ZNF451: variants seen among roughly 807,000 people sequenced by gnomAD.
The protein encoded by ZNF451 is E3 SUMO-protein ligase ZNF451.
In ZNF451, 80 loss-of-function variants were observed where a neutral mutation model predicts 107.1. The ratio of observed to expected loss-of-function variants is 0.75; its 90% confidence interval spans 0.62 to 0.90. ZNF451 has a LOEUF of 0.90. Ranked by LOEUF, ZNF451 falls within the 40% of genes least tolerant of loss-of-function variation. The pLI is 0.00. For missense variants in ZNF451, 1,107 were observed against 1,236.2 expected (o/e 0.90, Z 1.57); for synonymous variants, 362 against 406.5 (o/e 0.89, Z 1.32).
intron 3 of ZNF451, chr6:57,105,876 T>A (rs1829829086): frequency 1.0e-6 from 1 of 984,296 alleles, no homozygotes; most frequent in Middle Eastern, 5.2e-4. Flanking sequence ...CTTATCAGTA[T>A]AATTACATTT....
chr6:57,158,858 A>C, intron 13 of ZNF451: 1 of 985,464 alleles, frequency 1.0e-6, no homozygotes, highest in Non-Finnish European at 1.2e-6. Context: ...TGAGTGGGTT[A>C]GAAGCAGTAA....
intron 3 of ZNF451, chr6:57,109,617 A>G (rs1830023568): frequency 3.0e-6 from 3 of 985,322 alleles, no homozygotes; most frequent in Non-Finnish European, 3.6e-6. Flanking sequence ...GTAAATGTTC[A>G]TTTCATGCCA....
Position 57,147,960 on chromosome 6 carries a change from C to T in ZNF451, c.1875C>T (p.Cys625=), listed in dbSNP as rs1241357462. 1.9e-6 allele frequency: 3 copies of T among 1,613,956 alleles called. No homozygotes were observed. The highest frequency in any genetic ancestry group is 2.5e-6 in the Non-Finnish European group (3 of 1,179,982). The part of the protein sequence containing the change: ...FDSQEYVKQH[C]MSLASHKFHR... ...CCCAGGAATATGTAAAACAGCACTG[C>T]ATGTCTTTGGCAAGCCACAAGTTTC... is the stretch of plus-strand genomic sequence containing the variant. The change falls in exon 10 of 15, where the codon TGC becomes TGT. Residue 625 remains cysteine (C), a synonymous_variant. Transcript: ENST00000370706.
intron 14 of ZNF451, among the ~76,000 whole-genome samples, chr6:57,161,915 T>C (rs995994667): frequency 2.0e-5 from 3 of 152,242 alleles, no homozygotes; most frequent in Non-Finnish European, 4.4e-5. Flanking sequence ...TTTCCTTCCA[T>C]AGGTTAAAGA....
Position 57,124,862 on chromosome 6 carries a change from ATG to A in ZNF451, c.312+6_312+7del, listed in dbSNP as rs1298180611. 1 of 1,559,626 alleles carries A rather than the reference ATG, an allele frequency of 6.4e-7. No homozygotes were observed. The highest frequency in any genetic ancestry group is 1.4e-5 in the African/African-American group (1 of 72,978). On this transcript the variant is annotated splice_donor_5th_base_variant and intron_variant, in intron 4 of 14. Transcript: ENST00000370706. ...AAGAGAAGAATAGAGCATTCAGAGT[ATG>A]TGCTATTTTAATTGGTATTTTATAT...
chr6:57,096,176 GTTTTTT>G (rs749589304), intron 2 of ZNF451, among the ~76,000 whole-genome samples: 2 of 58,462 alleles, frequency 3.4e-5, no homozygotes, highest in African/African-American at 7.1e-5. Flanking sequence ...CTTTCTTTCT[GTTTTTT>G]TTTTTTTTTT....
At chr6:57,168,108 A>T (rs1190226947) in intron 14 of ZNF451, among the ~76,000 whole-genome samples, 1 of 152,156 alleles carries the variant, frequency 6.6e-6, no homozygotes, top group African/African-American at 2.4e-5. Context: ...TAAGTGATAC[A>T]GATTTTTTTT....
At chr6:57,153,314 A>C (rs917796815) in intron 12 of ZNF451, among the ~76,000 whole-genome samples, 3 of 151,680 alleles carry the variant, frequency 2.0e-5, no homozygotes, top group African/African-American at 7.3e-5. Flanking sequence ...TTTTCTTTTC[A>C]TGGCACATTA....
Position 57,095,926 on chromosome 6 carries a change from C to T in ZNF451, c.106-3135C>T, listed in dbSNP as rs974383567. Among the ~76,000 whole-genome samples the T allele has an allele frequency of 4.0e-5, 6 of 151,826 alleles. No homozygotes were observed. In the South Asian group the frequency reaches 8.3e-4, roughly 21 times the overall value. ...GCAACTTCTGCCTCCTGGGCTAAAG[C>T]GATTCTTGTTCTTCGGCCTCCTGAG... is the stretch of plus-strand genomic sequence containing the variant. On this transcript the variant is annotated intron_variant, in intron 2 of 14. Transcript: ENST00000370706.
intron 8 of ZNF451, 134 bp downstream of exon 8, chr6:57,141,589 A>G (rs1287009527): frequency 3.5e-6 from 3 of 857,992 alleles, no homozygotes; most frequent in African/African-American, 3.4e-5. Context: ...GATTATCTCA[A>G]TTCCTACTTA....
At chr6:57,132,350 A>G (rs1831219044) in intron 5 of ZNF451, among the ~76,000 whole-genome samples, 1 of 152,192 alleles carries the variant, frequency 6.6e-6, no homozygotes, top group South Asian at 2.1e-4. Flanking sequence ...TATAATTTTC[A>G]TAGAGCTCAG....
At chr6:57,134,063 C>G (rs1020252684) in intron 6 of ZNF451, 2 of 152,220 alleles carry the variant, frequency 1.3e-5, no homozygotes, top group African/African-American at 4.8e-5. Flanking sequence ...GCCTCCCTTT[C>G]TAATAGCTGA....
rs540970085 is a variant in ZNF451 at position 57,147,591 on chromosome 6, C to G, written c.1506C>G (p.Val502=). Residue 502 remains valine (V), a synonymous_variant, in exon 10 of 15, where the codon GTC becomes GTG. Coordinates refer to ENST00000370706, the MANE Select transcript of ZNF451 (RefSeq NM_001031623.3). ...ACACAATGGGTTATAAATGTGTGGT[C>G]TGTGGAAAGGTATGTGATGATTCAG... is the stretch of plus-strand genomic sequence containing the variant. ...SANTMGYKCV[V]CGKVCDDSGV... The G allele has an allele frequency of 3.1e-6, 5 of 1,614,002 alleles. No individual in the cohort carries two copies. Among genetic ancestry groups the G allele is most frequent in the Admixed American group, 1.7e-5 (1 of 59,982 alleles).
rs531669817 is a variant in ZNF451, at chr6:57,099,255, G to A, written c.186+114G>A. Reference sequence around the variant, plus strand: ...TGTTTAGAAATAGCCAGTTCTATTAGAATGGGCTAAAATAGGTAGTCCAAG... The same window carrying A: ...TGTTTAGAAATAGCCAGTTCTATTAAAATGGGCTAAAATAGGTAGTCCAAG... On this transcript the variant is annotated intron_variant, in intron 3 of 14. Coordinates refer to ENST00000370706, the MANE Select transcript of ZNF451 (RefSeq NM_001031623.3). 1.9e-5 allele frequency: 16 copies of A among 824,082 alleles called. No individual in the cohort carries two copies. The East Asian group carries it at 4.0e-4, about 20-fold the overall frequency. 51.0% of individuals were successfully genotyped at this position (824,082 alleles called of 1,614,324 possible). A position where few individuals can be genotyped will look rare whatever the true frequency, so the allele number is the denominator to read the frequency against.
In ZNF451 at chr6:57,168,448, A is replaced by G. The variant is rs754406515; in HGVS notation, c.3165A>G (p.Arg1055=). Residue 1055 remains arginine, a synonymous_variant, in exon 15 of 15, where the codon AGA becomes AGG. Coordinates refer to ENST00000370706, the MANE Select transcript of ZNF451 (RefSeq NM_001031623.3). Reference sequence around the variant, plus strand: ...ATGTGGAATTAGAAGAAGCTATTAGAAGAAGTCTTGAGGAAATGTAATTAA... The same window carrying G: ...ATGTGGAATTAGAAGAAGCTATTAGGAGAAGTCTTGAGGAAATGTAATTAA... ...TEDVELEEAI[R]RSLEEM 1.9e-6 allele frequency: 3 copies of G among 1,608,728 alleles called. No homozygotes were observed. The South Asian group carries it at 3.3e-5, about 18-fold the overall frequency.
rs185472354 is a variant in ZNF451, at chr6:57,156,623, C to T, written c.3070+2576C>T. Among the ~76,000 whole-genome samples the T allele has an allele frequency of 2.4e-4, 37 of 152,174 alleles. No individual in the cohort carries two copies. In the East Asian group the frequency reaches 6.4e-3, roughly 26 times the overall value. ...AAAACTTTCTATACCCTCCATCCCC[C>T]AAAATAAACATGTATGTACTACATT... On this transcript the variant is annotated intron_variant, in intron 13 of 14. Coordinates refer to ENST00000370706, the MANE Select transcript of ZNF451 (RefSeq NM_001031623.3).
chr6:57,148,247 C>T lies in ZNF451; in HGVS notation c.2162C>T (p.Thr721Ile), dbSNP rs770170257. The T allele has an allele frequency of 1.9e-6, 3 of 1,613,972 alleles. No individual in the cohort carries two copies. Among genetic ancestry groups the T allele is most frequent in the Non-Finnish European group, 1.7e-6 (2 of 1,179,958 alleles). ...GTAATAGAGACCAGTAACCAGTTAA[C>T]TTGTGGTTGCCGTGAGAGTTACATC... Reference protein sequence around the residue: ...FPVIETSNQLTCGCRESYICK... With the variant: ...FPVIETSNQLICGCRESYICK... The change falls in exon 10 of 15, where the codon ACT becomes ATT. Residue 721 changes from threonine to isoleucine, a missense_variant. By Grantham distance (89) the Thr-to-Ile change is moderately conservative (BLOSUM62 -1). Around this residue, in one of 5 missense-constraint regions of ZNF451, gnomAD observed 608 missense variants for 649.2 expected, o/e 0.94. Coordinates refer to ENST00000370706, the MANE Select transcript of ZNF451 (RefSeq NM_001031623.3).
chr6:57,108,298 A>G (rs1430549127), intron 3 of ZNF451: 2 of 985,436 alleles, frequency 2.0e-6, no homozygotes, highest in Non-Finnish European at 1.2e-6. Context: ...GAGTGGCTCT[A>G]TCACAGCATT....
chr6:57,141,375 T>G lies in ZNF451; in HGVS notation c.776T>G (p.Phe259Cys), dbSNP rs138362692. The G allele has an allele frequency of 1.2e-6, 2 of 1,613,382 alleles. No individual in the cohort carries two copies. The highest frequency in any genetic ancestry group is 1.7e-6 in the Non-Finnish European group (2 of 1,179,702). The change falls in exon 8 of 15, where the codon TTC (phenylalanine) becomes TGC (cysteine). Residue 259 changes from phenylalanine (F) to cysteine (C), a missense_variant. This residue lies in a region of ZNF451 where 339 missense variants were observed against 372.8 expected (regional missense o/e 0.91). Coordinates refer to ENST00000370706, the MANE Select transcript of ZNF451 (RefSeq NM_001031623.3). The part of the protein sequence containing the change: ...IIQCFACPNC[F>C]LLFSRKEECS... ...CAGTGTTTTGCATGTCCAAATTGCT[T>G]CCTTCTTTTTAGCAGAAAGGAGGAG...
Sources: gnomAD v4.1 joint callset for allele counts (sites outside exome capture counted in the v4.1 genomes callset) on GRCh38, gnomAD v4.1.1 for gene constraint, gnomAD v4.1.1 regional missense constraint, MANE v1.5 for transcripts, NCBI Gene and HGNC (gene_info 2026-07-23, HGNC 2026-07-21) for gene names.